EML4: variants seen among roughly 807,000 people sequenced by gnomAD.
EML4 encodes EMAP like 4, also known as echinoderm microtubule-associated protein-like 4.
EML4 carries 72 observed loss-of-function variants against 129.0 expected under a neutral mutation model. That is an observed-to-expected ratio of 0.56 (90% CI 0.46 to 0.68). The LOEUF is 0.68. Ranked by LOEUF, EML4 falls within the 30% of genes least tolerant of loss-of-function variation. The pLI is 0.00. For synonymous variants in EML4, 532 were observed against 405.0 expected, an observed-to-expected ratio of 1.31 and a Z score of -3.77; for missense variants, 1,363 against 1,190.6, an observed-to-expected ratio of 1.14 and a Z score of -2.13.
chr2:42,234,032 A>G (rs1674511149), intron 1 of EML4, among the ~76,000 whole-genome samples: 1 of 152,258 alleles, frequency 6.6e-6, no homozygotes, highest in Non-Finnish European at 1.5e-5. Context: ...GCATTAATTC[A>G]TGCTTTTCTG....
At chr2:42,316,958 A>G (rs1345932421) in intron 18 of EML4, among the ~76,000 whole-genome samples, 1 of 152,210 alleles carries the variant, frequency 6.6e-6, no homozygotes, top group Non-Finnish European at 1.5e-5. Flanking sequence ...TAGCTGTCGA[A>G]TTCCAGAGAT....
chr2:42,312,307 C>A (rs1487549285), intron 17 of EML4, among the ~76,000 whole-genome samples: 1 of 151,884 alleles, frequency 6.6e-6, no homozygotes, highest in Non-Finnish European at 1.5e-5. Flanking sequence ...CCAAAATTAA[C>A]CTGAAAAACT....
intron 19 of EML4, among the ~76,000 whole-genome samples, chr2:42,318,700 T>TG (rs1189697614): frequency 6.6e-6 from 1 of 151,370 alleles, no homozygotes; most frequent in African/African-American, 2.4e-5. Flanking sequence ...CCAATTTTTT[T>TG]TGTTTTGTTT....
In EML4 at chr2:42,325,993, G is replaced by A. The variant is rs1401605873; in HGVS notation, c.2243-161G>A. 8.6e-6 allele frequency: 6 copies of A among 695,318 alleles called. No homozygotes were observed. The African/African-American group carries it at 9.6e-5, about 11-fold the overall frequency. The allele number at this position is 695,318 out of a possible 1,614,324, so 43.1% of individuals were successfully genotyped here. ...AACAGTTTGTAGTTTTATAAACCCT[G>A]TTAAAGTGAACACTTTCTTTTCCTT... On this transcript the variant is annotated intron_variant, in intron 20 of 22. Transcript: ENST00000318522.
At chr2:42,251,578 G>T (rs1675769949) in intron 2 of EML4, among the ~76,000 whole-genome samples, 1 of 152,232 alleles carries the variant, frequency 6.6e-6, no homozygotes, top group Non-Finnish European at 1.5e-5. Context: ...ATTTGATGGA[G>T]TACATGTAGT....
At chr2:42,191,351 T>G (rs1323416617) in intron 1 of EML4, among the ~76,000 whole-genome samples, 1 of 152,196 alleles carries the variant, frequency 6.6e-6, no homozygotes, top group Non-Finnish European at 1.5e-5. Flanking sequence ...GCAGTGGTCA[T>G]GGCTACCGGT....
chr2:42,234,652 CTT>C (rs1216275043), intron 1 of EML4, among the ~76,000 whole-genome samples: 1 of 152,174 alleles, frequency 6.6e-6, no homozygotes, highest in East Asian at 1.9e-4. Flanking sequence ...AAACTACTTA[CTT>C]TATAAACAAA....
chr2:42,250,850 G>A (rs751021843), intron 2 of EML4, among the ~76,000 whole-genome samples: 2 of 152,218 alleles, frequency 1.3e-5, no homozygotes, highest in Non-Finnish European at 2.9e-5. Flanking sequence ...ATGTAGAATC[G>A]TTGGGAGCCC....
At chr2:42,262,207 G>A (rs768319117) in intron 4 of EML4, among the ~76,000 whole-genome samples, 1 of 151,870 alleles carries the variant, frequency 6.6e-6, no homozygotes, top group African/African-American at 2.4e-5. Flanking sequence ...GCCTCAAATC[G>A]CTAATGGAAA....
At chr2:42,225,774 G>C (rs117355714) in intron 1 of EML4, among the ~76,000 whole-genome samples, 41 of 151,758 alleles carry the variant, frequency 2.7e-4, no homozygotes, top group Non-Finnish European at 4.6e-4. Context: ...GGATTGATGT[G>C]TTTTTTTATT....
At chr2:42,228,790 T>C (rs1450523290) in intron 1 of EML4, among the ~76,000 whole-genome samples, 1 of 152,176 alleles carries the variant, frequency 6.6e-6, no homozygotes, top group Non-Finnish European at 1.5e-5. Flanking sequence ...TACCTTCTTC[T>C]CTCCCCCACA....
At chr2:42,203,958 T>C (rs1036898882) in intron 1 of EML4, among the ~76,000 whole-genome samples, 2 of 152,168 alleles carry the variant, frequency 1.3e-5, no homozygotes, top group East Asian at 3.8e-4. Context: ...TCTCGCCCTT[T>C]TGCCCAGGCT....
chr2:42,210,799 TA>T (rs1165955475), intron 1 of EML4, among the ~76,000 whole-genome samples: 2 of 152,206 alleles, frequency 1.3e-5, no homozygotes, highest in African/African-American at 4.8e-5. Flanking sequence ...TTTTTAAAAA[TA>T]AAAACTCTTT....
intron 1 of EML4, among the ~76,000 whole-genome samples, chr2:42,235,153 G>A (rs925182690): frequency 5.3e-5 from 8 of 152,084 alleles, no homozygotes; most frequent in South Asian, 2.1e-4. Context: ...GAAATTAGCC[G>A]GGTGTGCTTG....
intron 1 of EML4, among the ~76,000 whole-genome samples, chr2:42,230,248 A>G (rs1278871551): frequency 1.3e-5 from 2 of 152,186 alleles, no homozygotes; most frequent in African/African-American, 4.8e-5. Flanking sequence ...TGTAGAGGAA[A>G]ATGAAAAATA....
chr2:42,273,779 G>C (rs1163649487), intron 6 of EML4, among the ~76,000 whole-genome samples: 1 of 152,058 alleles, frequency 6.6e-6, no homozygotes, highest in African/African-American at 2.4e-5. Context: ...AAGAAAGTTA[G>C]ATTATACCCT....
intron 1 of EML4, among the ~76,000 whole-genome samples, chr2:42,226,211 G>C (rs904908656): frequency 1.3e-5 from 2 of 152,040 alleles, no homozygotes; most frequent in Non-Finnish European, 2.9e-5. Flanking sequence ...CTTAAATTCT[G>C]AGATAAAAAT....
At chr2:42,188,411 G>C (rs777782741) in intron 1 of EML4, among the ~76,000 whole-genome samples, 2 of 152,006 alleles carry the variant, frequency 1.3e-5, no homozygotes, top group Non-Finnish European at 2.9e-5. Flanking sequence ...TTGTTGAGAA[G>C]GGTTTTTGCC....
intron 13 of EML4, among the ~76,000 whole-genome samples, chr2:42,299,724 T>C (rs899811044): frequency 6.6e-6 from 1 of 152,206 alleles, no homozygotes; most frequent in Non-Finnish European, 1.5e-5. Flanking sequence ...AGTTTCACTC[T>C]TGTTGCCCAG....
Sources: gnomAD v4.1 joint callset for allele counts (sites outside exome capture counted in the v4.1 genomes callset) on GRCh38, gnomAD v4.1.1 for gene constraint, MANE v1.5 for transcripts, NCBI Gene and HGNC (gene_info 2026-07-23, HGNC 2026-07-21) for gene names.